TRPM4: variants seen among roughly 807,000 people sequenced by gnomAD.
TRPM4 encodes calcium-activated non-selective cation channel 1.
In TRPM4, 124 loss-of-function variants were observed where a neutral mutation model predicts 135.6. The ratio of observed to expected loss-of-function variants is 0.91; its 90% CI spans 0.79 to 1.06. The LOEUF (loss-of-function observed/expected upper bound fraction) is 1.06, where lower values mean the gene tolerates loss of function less well. Among genes scored for constraint, TRPM4 ranks in the 50% least tolerant of loss-of-function variants. TRPM4 has a pLI of 0.00. For synonymous variants in TRPM4, 745 were observed against 705.6 expected (o/e 1.06, Z -0.88); for missense variants, 1,658 against 1,671.4 (o/e 0.99, Z 0.14).
At position 49,197,294 on chromosome 19, in the gene TRPM4, TTC is replaced by T. The variant is rs1452813487; in HGVS notation, c.2645+424_2645+425del. The stretch of plus-strand genomic sequence containing the variant: ...CTTTCCTTTTTTTTTCTTTCTTTCT[TTC>T]TCTTTCTTTCTTTTTCTTTCTTTCT... On this transcript the variant is annotated intron_variant, in intron 17 of 24. Transcript: ENST00000252826. Among the ~76,000 whole-genome samples the T allele has an allele frequency of 3.1e-4, 38 of 123,664 alleles. No individual in the cohort carries two copies. The South Asian group carries it at 7.1e-3, about 23-fold the overall frequency. The allele number at this position is 123,664 out of a possible 152,430, so 81.1% of individuals were successfully genotyped here.
At chr19:49,169,632 T>G (rs969283235) in intron 6 of TRPM4, among the ~76,000 whole-genome samples, 1 of 151,468 alleles carries the variant, frequency 6.6e-6, no homozygotes, top group Non-Finnish European at 1.5e-5. Context: ...GGCTAGGCTG[T>G]TTTCGAACTT....
intron 10 of TRPM4, among the ~76,000 whole-genome samples, chr19:49,182,270 GTCCA>G (rs1295237751): frequency 6.9e-5 from 6 of 86,390 alleles, no homozygotes; most frequent in Middle Eastern, 0.012. Flanking sequence ...CCATTCATCT[GTCCA>G]TCCATCCATC....
intron 17 of TRPM4, among the ~76,000 whole-genome samples, chr19:49,197,175 C>T (rs901280786): frequency 6.6e-6 from 1 of 152,056 alleles, no homozygotes; most frequent in Non-Finnish European, 1.5e-5. Context: ...GGGAGCGCCC[C>T]GACCTGGGTG....
At chr19:49,208,328 C>T (rs1969225523) in intron 20 of TRPM4, among the ~76,000 whole-genome samples, 1 of 151,414 alleles carries the variant, frequency 6.6e-6, no homozygotes, top group Non-Finnish European at 1.5e-5. Context: ...CTCTAAACTC[C>T]CCCGGGGAAA....
At chr19:49,163,645 C>G (rs1017117929) in intron 2 of TRPM4, among the ~76,000 whole-genome samples, 2 of 152,138 alleles carry the variant, frequency 1.3e-5, no homozygotes, top group African/African-American at 4.8e-5. Flanking sequence ...GCGTGCACCA[C>G]CACACCTGGC....
At chr19:49,206,359 C>T (rs1362046826) in intron 20 of TRPM4, among the ~76,000 whole-genome samples, 2 of 151,592 alleles carry the variant, frequency 1.3e-5, no homozygotes, top group South Asian at 2.1e-4. Flanking sequence ...TCTGGGCCTC[C>T]TGCAATTCTA....
At chr19:49,185,523 G>A (rs1351737251) in intron 12 of TRPM4, among the ~76,000 whole-genome samples, 2 of 152,248 alleles carry the variant, frequency 1.3e-5, no homozygotes, top group African/African-American at 2.4e-5. Context: ...TTACAGGTGT[G>A]AGCCACCATG....
chr19:49,179,057 CTAT>C (rs1424829809), intron 9 of TRPM4, among the ~76,000 whole-genome samples: 1 of 149,020 alleles, frequency 6.7e-6, no homozygotes. Flanking sequence ...TGTGCCCGGC[CTAT>C]TATTATTATT....
intron 2 of TRPM4, 39 bp from the exon 3 acceptor site, chr19:49,166,002 G>A (rs1351886268): frequency 1.3e-6 from 2 of 1,556,736 alleles, no homozygotes; most frequent in African/African-American, 2.7e-5. Flanking sequence ...TGGGGTCGGG[G>A]GGCAGCCCTG....
chr19:49,171,464 G>A lies in TRPM4; in HGVS notation c.858+46G>A, dbSNP rs1226877522. 4 of 1,612,910 alleles carry A rather than the reference G, an allele frequency of 2.5e-6. No homozygotes were observed. On this transcript the variant is annotated intron_variant, in intron 7 of 24. Transcript: ENST00000252826. This position sits in a 1 kb window ranked among gnomAD's most constrained non-coding sequence, Gnocchi z 4.7. ...GGATCTAAGGGGGAAGGAGGGTTGG[G>A]GGCCAGGACTCCTGGGTCCTGAGTC...
intron 19 of TRPM4, among the ~76,000 whole-genome samples, chr19:49,201,574 G>A (rs1968935017): frequency 6.6e-6 from 1 of 152,284 alleles, no homozygotes; most frequent in Non-Finnish European, 1.5e-5. Flanking sequence ...TTAATTAGAT[G>A]GGGAGGAAAG....
At position 49,196,425 on chromosome 19, in the gene TRPM4, T is replaced by G; in HGVS notation, c.2211-15T>G. Reference sequence around the variant, plus strand: ...CAGAGTGAGGCCTCCTCCCTTCTCTTCTCTTCCCCCACAGGACGGCGGACC... The same window carrying G: ...CAGAGTGAGGCCTCCTCCCTTCTCTGCTCTTCCCCCACAGGACGGCGGACC... On this transcript the variant is annotated splice_polypyrimidine_tract_variant and intron_variant, in intron 16 of 24. Transcript: ENST00000252826. 2 of 1,529,260 alleles carry G rather than the reference T, an allele frequency of 1.3e-6. No individual in the cohort carries two copies. Among genetic ancestry groups the G allele is most frequent in the Non-Finnish European group, 1.8e-6 (2 of 1,141,096 alleles). The allele number at this position is 1,529,260 out of a possible 1,614,324, so 94.7% of individuals were successfully genotyped here.
In TRPM4 at chr19:49,196,854, C is replaced by G; in HGVS notation, c.2625C>G (p.Phe875Leu). 1 of 1,586,206 alleles carries G rather than the reference C, an allele frequency of 6.3e-7. No individual in the cohort carries two copies. The highest frequency in any genetic ancestry group is 8.5e-7 in the Non-Finnish European group (1 of 1,174,428). Reference protein sequence around the residue: ...NQCDLVALTCFLLGVGCRLTP... With the variant: ...NQCDLVALTCLLLGVGCRLTP... ...GCGACCTAGTGGCTCTCACCTGCTT[C>G]CTCCTGGGCGTGGGCTGCCGGTGAG... Residue 875 changes from phenylalanine (F) to leucine (L), a missense_variant, in exon 17 of 25, where the codon TTC (phenylalanine) becomes TTG (leucine). This residue lies in a region of TRPM4 where 1,412 missense variants were observed against 1,408.7 expected (regional missense o/e 1.00). Transcript: ENST00000252826.
chr19:49,171,578 C>A lies in TRPM4; in HGVS notation c.859C>A (p.Arg287=). Residue 287 remains arginine (R), a splice_region_variant and synonymous_variant, in exon 8 of 25, where the codon CGA becomes AGA. Coordinates refer to ENST00000252826, the MANE Select transcript of TRPM4 (RefSeq NM_017636.4). The surrounding 1 kb of genome is among the most constrained non-coding windows in gnomAD (Gnocchi z 4.7). Reference sequence around the variant, plus strand: ...AATAAAGAATGCCTTTATCCTGTAGCGAATAGAGAACGCCACCCAGGCTCA... The same window carrying A: ...AATAAAGAATGCCTTTATCCTGTAGAGAATAGAGAACGCCACCCAGGCTCA... ...LIDGDEKMLT[R]IENATQAQLP... is the part of the protein sequence containing the mutation. 1 of 1,613,990 alleles carries A rather than the reference C, an allele frequency of 6.2e-7. No homozygotes were observed. Among genetic ancestry groups the A allele is most frequent in the Non-Finnish European group, 8.5e-7 (1 of 1,179,996 alleles).
At chr19:49,194,973 G>A (rs1272378553) in intron 16 of TRPM4, among the ~76,000 whole-genome samples, 2 of 151,290 alleles carry the variant, frequency 1.3e-5, no homozygotes, top group African/African-American at 4.9e-5. Flanking sequence ...TGTTGCCCAG[G>A]CTGGTGTTGA....
intron 16 of TRPM4, among the ~76,000 whole-genome samples, chr19:49,194,680 CCTT>C (rs1600494261): frequency 7.3e-6 from 1 of 137,442 alleles, no homozygotes; most frequent in African/African-American, 2.7e-5. Flanking sequence ...TCCCTTCCTT[CCTT>C]CTTTTCTTCC....
chr19:49,158,490 G>T, intron 2 of TRPM4: 1 of 567,250 alleles, frequency 1.8e-6, no homozygotes, highest in East Asian at 2.9e-5. Context: ...CCAGGGCTCG[G>T]TTCTGCTTCT....
At chr19:49,189,476 C>T (rs532931105) in intron 14 of TRPM4, among the ~76,000 whole-genome samples, 2 of 152,056 alleles carry the variant, frequency 1.3e-5, no homozygotes, top group East Asian at 3.9e-4. Flanking sequence ...GAAGTCCTTT[C>T]CACTTCCTTT....
Position 49,196,328 on chromosome 19 carries a change from G to C in TRPM4, c.2211-112G>C, listed in dbSNP as rs1025150836. 9 of 1,015,858 alleles carry C rather than the reference G, an allele frequency of 8.9e-6. No individual in the cohort carries two copies. The Admixed American group carries it at 1.2e-4, about 13-fold the overall frequency. 62.9% of individuals were successfully genotyped at this position (1,015,858 alleles called of 1,614,324 possible). A position where few individuals can be genotyped will look rare whatever the true frequency, so the allele number is the denominator to read the frequency against. Reference sequence around the variant, plus strand: ...AAGAAATTAGCTCTGGGCAGACTGAGTTTCGGGTCAGGCAGGGTGAGATGT... The same window carrying C: ...AAGAAATTAGCTCTGGGCAGACTGACTTTCGGGTCAGGCAGGGTGAGATGT... On this transcript the variant is annotated intron_variant, in intron 16 of 24. Coordinates refer to ENST00000252826, the MANE Select transcript of TRPM4 (RefSeq NM_017636.4).
Sources: allele counts gnomAD v4.1 joint callset (sites outside exome capture counted in the v4.1 genomes callset), GRCh38; gene constraint gnomAD v4.1.1; regional missense constraint gnomAD v4.1.1; non-coding constraint Gnocchi (gnomAD v3.1); transcripts MANE v1.5; gene names NCBI Gene and HGNC (gene_info 2026-07-23, HGNC 2026-07-21).